Variants in FSTL5 observed in about 807,000 individuals in gnomAD.
The protein encoded by FSTL5 is follistatin like 5, also known as follistatin-related protein 5.
A neutral mutation model predicts 89.1 loss-of-function variants in FSTL5; 62 were observed. The observed-to-expected ratio is 0.70, with a 90% confidence interval of 0.57 to 0.86. The LOEUF (loss-of-function observed/expected upper bound fraction) is 0.86. Ranked by LOEUF, FSTL5 falls within the 40% of genes least tolerant of loss-of-function variation. The pLI is 0.00. For synonymous variants in FSTL5, 383 were observed against 346.2 expected (o/e 1.11, Z -1.18); for missense variants, 1,057 against 1,001.6 (o/e 1.06, Z -0.75).
chr4:161,737,311 A>G (rs1008659230), intron 6 of FSTL5, among the ~76,000 whole-genome samples: 10 of 152,070 alleles, frequency 6.6e-5, no homozygotes, highest in Non-Finnish European at 1.5e-4. Context: ...CCCACAGTCA[A>G]CCATTGTGGT....
At chr4:161,456,571 A>C (rs1733361230) in intron 14 of FSTL5, among the ~76,000 whole-genome samples, 1 of 152,220 alleles carries the variant, frequency 6.6e-6, no homozygotes. Context: ...ATGGCATGGG[A>C]AACACTATAG....
chr4:161,456,012 T>C (rs1299954750), intron 14 of FSTL5, among the ~76,000 whole-genome samples: 2 of 152,214 alleles, frequency 1.3e-5, no homozygotes, highest in East Asian at 3.9e-4. Flanking sequence ...AGTTTTAGAG[T>C]TAGTTTGTTT....
In FSTL5 at chr4:161,630,517, T is replaced by C. The variant is rs887795653; in HGVS notation, c.894+25811A>G. ...TAGCCAATGATATATGTGGATTTCCTAAGATAAAACTGGCACTGTAATTTC... is the reference window on the plus strand; with the variant it reads ...TAGCCAATGATATATGTGGATTTCCCAAGATAAAACTGGCACTGTAATTTC... On this transcript the variant is annotated intron_variant, in intron 7 of 15. Transcript: ENST00000306100. 2.0e-5 allele frequency among the ~76,000 whole-genome samples: 3 copies of C among 152,178 alleles called. No homozygotes were observed. The East Asian group carries it at 5.8e-4, about 29-fold the overall frequency.
intron 15 of FSTL5, among the ~76,000 whole-genome samples, chr4:161,394,348 T>A (rs1730928693): frequency 6.6e-6 from 1 of 152,188 alleles, no homozygotes. Context: ...CAATCTTGGC[T>A]TACTGCAACC....
At chr4:162,112,277 A>G (rs563749609) in intron 1 of FSTL5, among the ~76,000 whole-genome samples, 9 of 152,232 alleles carry the variant, frequency 5.9e-5, no homozygotes, top group African/African-American at 1.9e-4. Flanking sequence ...TCTATGCTGT[A>G]TTTTGGGTCT....
intron 6 of FSTL5, among the ~76,000 whole-genome samples, chr4:161,677,537 G>A (rs1579013974): frequency 1.3e-5 from 2 of 151,800 alleles, no homozygotes; most frequent in African/African-American, 4.8e-5. Context: ...CTTCATGATC[G>A]TATTAGTAGT....
chr4:161,410,197 A>G (rs1731539948), intron 15 of FSTL5, among the ~76,000 whole-genome samples: 1 of 152,236 alleles, frequency 6.6e-6, no homozygotes, highest in South Asian at 2.1e-4. Context: ...CTAAAAATAC[A>G]TGCAAACAAA....
At chr4:161,451,818 A>G (rs554525966) in intron 15 of FSTL5, among the ~76,000 whole-genome samples, 6 of 152,330 alleles carry the variant, frequency 3.9e-5, no homozygotes, top group Non-Finnish European at 8.8e-5. Context: ...TGGTTTAGGA[A>G]ATAGTGTAGC....
chr4:161,626,586 G>T (rs1181430873), intron 7 of FSTL5, among the ~76,000 whole-genome samples: 1 of 152,130 alleles, frequency 6.6e-6, no homozygotes, highest in Non-Finnish European at 1.5e-5. Flanking sequence ...TTGCTTTTAT[G>T]ATTGCAATCA....
intron 15 of FSTL5, among the ~76,000 whole-genome samples, chr4:161,432,725 T>C (rs948298276): frequency 1.3e-5 from 2 of 151,462 alleles, no homozygotes; most frequent in African/African-American, 4.8e-5. Context: ...ATAAATACAA[T>C]CAGAGATTTA....
chr4:161,562,851 A>C (rs185409402), intron 8 of FSTL5, among the ~76,000 whole-genome samples: 26 of 152,108 alleles, frequency 1.7e-4, no homozygotes, highest in Admixed American at 1.7e-3. Flanking sequence ...TTTTGCCTCT[A>C]TGATTTTAGA....
At chr4:162,082,782 C>T (rs544817337) in intron 2 of FSTL5, among the ~76,000 whole-genome samples, 4 of 151,202 alleles carry the variant, frequency 2.6e-5, no homozygotes, top group South Asian at 2.1e-4. Context: ...ATTTAACCCA[C>T]AGATACTTAA....
chr4:162,147,041 C>T (rs1448157810), intron 1 of FSTL5, among the ~76,000 whole-genome samples: 1 of 152,048 alleles, frequency 6.6e-6, no homozygotes, highest in Non-Finnish European at 1.5e-5. Flanking sequence ...CTCGGCCTCC[C>T]AAAGCACTGA....
chr4:161,390,250 T>C (rs189174806), intron 15 of FSTL5, among the ~76,000 whole-genome samples: 1 of 152,270 alleles, frequency 6.6e-6, no homozygotes, highest in East Asian at 1.9e-4. Context: ...GATCCTCGGC[T>C]TACCCAAGAA....
At position 161,788,717 on chromosome 4, in the gene FSTL5, C is replaced by A. The variant is rs537235714; in HGVS notation, c.410-12643G>T. 6.6e-5 allele frequency among the ~76,000 whole-genome samples: 10 copies of A among 152,170 alleles called. No individual in the cohort carries two copies. The East Asian group carries it at 1.9e-3, about 29-fold the overall frequency. ...CCTGGGCAATAATGTGAGACCCCGCCCCTGTCTCTCCAAAAATAATATTTT... is the reference window on the plus strand; with the variant it reads ...CCTGGGCAATAATGTGAGACCCCGCACCTGTCTCTCCAAAAATAATATTTT... On this transcript the variant is annotated intron_variant, in intron 4 of 15. Coordinates refer to ENST00000306100, the MANE Select transcript of FSTL5 (RefSeq NM_020116.5).
At chr4:161,900,637 T>A (rs1293246827) in intron 4 of FSTL5, among the ~76,000 whole-genome samples, 4 of 14,770 alleles carry the variant, frequency 2.7e-4, no homozygotes, top group Admixed American at 1.1e-3. Context: ...AGACTCCATC[T>A]CAAAAAAAAA....
Position 161,829,860 on chromosome 4 carries a change from A to C in FSTL5, c.410-53786T>G, listed in dbSNP as rs1730788663. Among the ~76,000 whole-genome samples, 3 of 152,212 alleles carry C rather than the reference A, an allele frequency of 2.0e-5. No individual in the cohort carries two copies. The East Asian group carries it at 5.8e-4, about 29-fold the overall frequency. The stretch of plus-strand genomic sequence containing the variant: ...CAGACACATCCTGCCAATTTTCCTT[A>C]AATGATTGTATGCATCAATGACAAG... On this transcript the variant is annotated intron_variant, in intron 4 of 15. Coordinates refer to ENST00000306100, the MANE Select transcript of FSTL5 (RefSeq NM_020116.5).
chr4:161,663,091 G>A (rs1349148164), intron 6 of FSTL5, among the ~76,000 whole-genome samples: 2 of 152,012 alleles, frequency 1.3e-5, no homozygotes, highest in Non-Finnish European at 2.9e-5. Flanking sequence ...CCTTCCCCTG[G>A]GTCCCTCCTA....
At chr4:161,511,322 G>A (rs777806182) in intron 10 of FSTL5, among the ~76,000 whole-genome samples, 4 of 151,896 alleles carry the variant, frequency 2.6e-5, no homozygotes, top group East Asian at 3.9e-4. Flanking sequence ...CCTCACCTAC[G>A]GCTGAAGGCC....
Sources: gnomAD v4.1 joint callset for allele counts (sites outside exome capture counted in the v4.1 genomes callset) on GRCh38, gnomAD v4.1.1 for gene constraint, MANE v1.5 for transcripts, NCBI Gene and HGNC (gene_info 2026-07-23, HGNC 2026-07-21) for gene names.